PLAAT3: variants seen among roughly 807,000 people sequenced by gnomAD.
PLAAT3 encodes the protein phospholipase A and acyltransferase 3.
A neutral mutation model predicts 16.7 loss-of-function variants in PLAAT3; 21 were observed. The observed-to-expected ratio is 1.26, with a 90% CI of 0.89 to 1.81. The LOEUF is 1.81. Among genes scored for constraint, PLAAT3 ranks in the 40% most tolerant of loss-of-function variants. The pLI, the probability that PLAAT3 is intolerant of heterozygous loss-of-function variation, is 0.00. For missense variants in PLAAT3, 219 were observed against 213.7 expected, an observed-to-expected ratio of 1.02 and a Z score of -0.16; for synonymous variants, 76 against 81.7, an observed-to-expected ratio of 0.93 and a Z score of 0.38.
chr11:63,603,144 A>C (rs756426429), intron 2 of PLAAT3, among the ~76,000 whole-genome samples: 1 of 152,160 alleles, frequency 6.6e-6, no homozygotes, highest in Non-Finnish European at 1.5e-5. Context: ...TTACAGGAAA[A>C]GTTTGCCAAC....
chr11:63,590,788 T>G (rs1011946098), intron 3 of PLAAT3, among the ~76,000 whole-genome samples: 3 of 152,168 alleles, frequency 2.0e-5, no homozygotes, highest in Non-Finnish European at 4.4e-5. Context: ...TGGCTGGGTT[T>G]TCCAGAGTCC....
rs1026273915 is a variant in PLAAT3, at chr11:63,598,338, G to A, written c.16-175C>T. 2.6e-5 allele frequency among the ~76,000 whole-genome samples: 4 copies of A among 152,216 alleles called. No homozygotes were observed. In the East Asian group the frequency reaches 7.7e-4, roughly 29 times the overall value. On this transcript the variant is annotated intron_variant, in intron 2 of 4. Coordinates refer to ENST00000415826, the MANE Select transcript of PLAAT3 (RefSeq NM_001128203.2). ...TCCAACTTCACAAGCTTGTGACCCA[G>A]ACCTGCAGGCACCATGGGCCTGCCC...
intron 2 of PLAAT3, among the ~76,000 whole-genome samples, chr11:63,606,548 G>A (rs1220453195): frequency 1.3e-5 from 2 of 152,140 alleles, no homozygotes; most frequent in African/African-American, 4.8e-5. Flanking sequence ...GAGCAGGGTC[G>A]GGAGCTGAGC....
intron 2 of PLAAT3, among the ~76,000 whole-genome samples, chr11:63,599,474 A>G (rs932828160): frequency 6.6e-6 from 1 of 152,208 alleles, no homozygotes; most frequent in Admixed American, 6.5e-5. Flanking sequence ...TTAACAGCCA[A>G]TCACAACTCT....
intron 4 of PLAAT3, among the ~76,000 whole-genome samples, chr11:63,580,651 C>CA (rs1937784210): frequency 6.6e-6 from 1 of 151,394 alleles, no homozygotes; most frequent in Non-Finnish European, 1.5e-5. Context: ...AAGACTGTCT[C>CA]AAAAAAACAA....
At chr11:63,583,138 AAAG>A (rs1937869355) in intron 4 of PLAAT3, among the ~76,000 whole-genome samples, 1 of 152,176 alleles carries the variant, frequency 6.6e-6, no homozygotes, top group Admixed American at 6.5e-5. Context: ...TCAAAAAAAA[AAAG>A]TAGTTTTAAC....
intron 4 of PLAAT3, among the ~76,000 whole-genome samples, chr11:63,576,731 A>T (rs896852962): frequency 6.6e-6 from 1 of 152,248 alleles, no homozygotes; most frequent in Non-Finnish European, 1.5e-5. Flanking sequence ...AACAAGGAAA[A>T]CATAGGTAGA....
At chr11:63,576,144 T>C (rs1056901472) in intron 4 of PLAAT3, among the ~76,000 whole-genome samples, 1 of 152,066 alleles carries the variant, frequency 6.6e-6, no homozygotes, top group African/African-American at 2.4e-5. Flanking sequence ...CTGGCCCAAA[T>C]GCAAACAACA....
At chr11:63,600,801 A>G (rs903323125) in intron 2 of PLAAT3, among the ~76,000 whole-genome samples, 2 of 150,542 alleles carry the variant, frequency 1.3e-5, no homozygotes, top group Non-Finnish European at 3.0e-5. Context: ...ATGGGGTTTC[A>G]CCATGTTGGC....
intron 4 of PLAAT3, among the ~76,000 whole-genome samples, chr11:63,578,455 G>A (rs1331173944): frequency 6.6e-6 from 1 of 152,088 alleles, no homozygotes; most frequent in Non-Finnish European, 1.5e-5. Context: ...GAATCAGGAT[G>A]GCTTCAGATT....
In PLAAT3 at chr11:63,598,197, C is replaced by T. The variant is rs751283003; in HGVS notation, c.16-34G>A. 2.3e-5 allele frequency: 34 copies of T among 1,460,982 alleles called. 1 individual carries two copies. The South Asian group carries it at 3.6e-4, about 16-fold the overall frequency. The allele number at this position is 1,460,982 out of a possible 1,614,324, so 90.5% of individuals were successfully genotyped here. The stretch of plus-strand genomic sequence containing the variant: ...CCAAGAACAGGGCTGTTAGAGGGAG[C>T]ATGAGATCGTGGAACCAGGACAGGG... On this transcript the variant is annotated intron_variant, in intron 2 of 4. Coordinates refer to ENST00000415826, the MANE Select transcript of PLAAT3 (RefSeq NM_001128203.2).
intron 3 of PLAAT3, among the ~76,000 whole-genome samples, chr11:63,597,693 A>G (rs1938325250): frequency 6.6e-6 from 1 of 152,142 alleles, no homozygotes; most frequent in Non-Finnish European, 1.5e-5. Flanking sequence ...GCCGCTGCTG[A>G]TCTGACAGGA....
intron 2 of PLAAT3, among the ~76,000 whole-genome samples, chr11:63,603,086 C>A (rs1938470318): frequency 6.6e-6 from 1 of 152,178 alleles, no homozygotes; most frequent in Admixed American, 6.5e-5. Context: ...GAGCAAGACT[C>A]TATCTCAAAA....
intron 2 of PLAAT3, among the ~76,000 whole-genome samples, chr11:63,607,530 AAGAG>A (rs1938597908): frequency 6.6e-6 from 1 of 151,780 alleles, no homozygotes; most frequent in Non-Finnish European, 1.5e-5. Flanking sequence ...TAATAAAGAA[AAGAG>A]AGAGAATGGG....
chr11:63,613,881 G>A, intron 2 of PLAAT3, 119 bp downstream of exon 2: 1 of 679,036 alleles, frequency 1.5e-6, no homozygotes, highest in South Asian at 1.7e-5. Context: ...TGACAGAGGT[G>A]CGGGCCCCAC....
chr11:63,607,738 C>G (rs752174989), intron 2 of PLAAT3, among the ~76,000 whole-genome samples: 1 of 151,464 alleles, frequency 6.6e-6, no homozygotes, highest in African/African-American at 2.4e-5. Context: ...TGGAGATGTA[C>G]GGAGAGAGGC....
At chr11:63,614,294 A>C in intron 1 of PLAAT3, 91 bp downstream of exon 1, 1 of 505,732 alleles carries the variant, frequency 2.0e-6, no homozygotes, top group Non-Finnish European at 3.5e-6. Context: ...CGCCCTACCC[A>C]ATTAGATCTC....
chr11:63,600,890 C>T (rs1938409961), intron 2 of PLAAT3, among the ~76,000 whole-genome samples: 1 of 152,092 alleles, frequency 6.6e-6, no homozygotes, highest in Non-Finnish European at 1.5e-5. Flanking sequence ...AGGCGTGAGC[C>T]ACCACGCCCG....
chr11:63,580,087 G>A (rs1273864604), intron 4 of PLAAT3, among the ~76,000 whole-genome samples: 1 of 152,044 alleles, frequency 6.6e-6, no homozygotes, highest in Admixed American at 6.6e-5. Context: ...CAAAAACAGG[G>A]GAGTAAATGG....
Sources: allele counts gnomAD v4.1 joint callset (sites outside exome capture counted in the v4.1 genomes callset), GRCh38; gene constraint gnomAD v4.1.1; transcripts MANE v1.5; gene names NCBI Gene and HGNC (gene_info 2026-07-23, HGNC 2026-07-21).